PRMT8: variants seen among roughly 807,000 people sequenced by gnomAD.
The protein encoded by PRMT8 is protein arginine N-methyltransferase 8.
Under a neutral mutation model 47.1 loss-of-function variants are expected in PRMT8, and 7 were observed. The observed-to-expected ratio is 0.15, with a 90% CI of 0.08 to 0.28. PRMT8 has a LOEUF of 0.28. PRMT8 is among the 10% of genes least tolerant of loss of function. PRMT8 has a pLI of 1.00. For synonymous variants in PRMT8, 188 were observed against 186.5 expected, an observed-to-expected ratio of 1.01 and a Z score of -0.07; for missense variants, 237 against 505.4, an observed-to-expected ratio of 0.47 and a Z score of 5.09.
At chr12:3,411,620 C>T (rs1404491621) in intron 1 of PRMT8, among the ~76,000 whole-genome samples, 1 of 152,098 alleles carries the variant, frequency 6.6e-6, no homozygotes, top group Non-Finnish European at 1.5e-5. Flanking sequence ...GAAACTTGAT[C>T]CCTGAATTCA....
intron 4 of PRMT8, among the ~76,000 whole-genome samples, chr12:3,562,378 A>C (rs1040550559): frequency 6.6e-6 from 1 of 151,972 alleles, no homozygotes; most frequent in African/African-American, 2.4e-5. Context: ...TGTGTCGGGC[A>C]TAGGGGAGTT....
At chr12:3,487,015 CAG>C (rs1865329335), upstream of PRMT8, among the ~76,000 whole-genome samples, 1 of 152,206 alleles carries the variant, frequency 6.6e-6, no homozygotes, top group Non-Finnish European at 1.5e-5. Context: ...AATAGGACCA[CAG>C]AGGCTTTTGT....
chr12:3,459,717 G>T (rs1402861332), intron 1 of PRMT8, among the ~76,000 whole-genome samples: 1 of 152,116 alleles, frequency 6.6e-6, no homozygotes, highest in Non-Finnish European at 1.5e-5. Context: ...AAGGGCAGGG[G>T]GTTGGTTGGT....
intron 4 of PRMT8, among the ~76,000 whole-genome samples, chr12:3,562,855 T>C (rs1479718688): frequency 6.6e-6 from 1 of 152,142 alleles, no homozygotes; most frequent in African/African-American, 2.4e-5. Context: ...TTCTGTCCCA[T>C]GGAAGCTTCT....
chr12:3,387,778 T>A (rs531887787), intron 1 of PRMT8, among the ~76,000 whole-genome samples: 1 of 152,354 alleles, frequency 6.6e-6, no homozygotes, highest in East Asian at 1.9e-4. Context: ...ACACCTAGTT[T>A]CTTACACTTA....
At chr12:3,391,829 T>A (rs1864195713) in intron 1 of PRMT8, among the ~76,000 whole-genome samples, 1 of 152,130 alleles carries the variant, frequency 6.6e-6, no homozygotes, top group Non-Finnish European at 1.5e-5. Context: ...GCAGAACCAG[T>A]GCAAAATGAA....
chr12:3,393,534 T>C (rs1230619579), intron 1 of PRMT8, among the ~76,000 whole-genome samples: 1 of 152,082 alleles, frequency 6.6e-6, no homozygotes, highest in Non-Finnish European at 1.5e-5. Flanking sequence ...AGACATGTGG[T>C]GTTATTTCTG....
Position 3,550,186 on chromosome 12 carries a change from C to A in PRMT8, c.417+95C>A. On this transcript the variant is annotated intron_variant, in intron 3 of 9. Coordinates refer to ENST00000382622, the MANE Select transcript of PRMT8 (RefSeq NM_019854.5). The surrounding 1 kb of genome is among the most constrained non-coding windows in gnomAD (Gnocchi z 5.1). ...CCCTTCTAGAAGTACAAAATTTGGT[C>A]CATCTCTTTTGCTGGGGTCACACCT... 6.6e-7 allele frequency: 1 copy of A among 1,520,314 alleles called. No homozygotes were observed. Among genetic ancestry groups the A allele is most frequent in the South Asian group, 1.2e-5 (1 of 81,802 alleles). 94.2% of individuals were successfully genotyped at this position (1,520,314 alleles called of 1,614,324 possible).
intron 7 of PRMT8, among the ~76,000 whole-genome samples, chr12:3,582,590 G>A (rs35778618): frequency 0.061 from 9,255 of 152,202 alleles, 387 homozygotes; most frequent in Non-Finnish European, 0.08. Flanking sequence ...ACAGATTGCT[G>A]TTTTGGTCCA....
At chr12:3,481,581 C>T (rs915946731) in intron 1 of PRMT8, among the ~76,000 whole-genome samples, 2 of 152,134 alleles carry the variant, frequency 1.3e-5, no homozygotes, top group African/African-American at 2.4e-5. Flanking sequence ...TCGACCACCT[C>T]ATGAGGGACA....
chr12:3,397,739 C>T (rs371401136), intron 1 of PRMT8, among the ~76,000 whole-genome samples: 1 of 152,062 alleles, frequency 6.6e-6, no homozygotes, highest in East Asian at 1.9e-4. Context: ...TGGGCTCCCC[C>T]CAGTTCGTGC....
chr12:3,465,077 G>A (rs1657265158), intron 1 of PRMT8, among the ~76,000 whole-genome samples: 1 of 147,764 alleles, frequency 6.8e-6, no homozygotes, highest in Non-Finnish European at 1.5e-5. Context: ...ATTGCACCAT[G>A]AGCCATTGCA....
chr12:3,568,873 G>T (rs141775802), intron 5 of PRMT8, 25 bp downstream of exon 5: 160 of 1,613,056 alleles, frequency 9.9e-5, no homozygotes, highest in Non-Finnish European at 1.2e-4. Context: ...TGCTGTCCCC[G>T]CGTTGGCCGG....
chr12:3,592,748 C>T (rs182061092), intron 9 of PRMT8, among the ~76,000 whole-genome samples: 8 of 152,170 alleles, frequency 5.3e-5, no homozygotes, highest in Non-Finnish European at 1.2e-4. Flanking sequence ...CTGGCACTTT[C>T]GGGGCAGCCC....
intron 1 of PRMT8, among the ~76,000 whole-genome samples, chr12:3,527,491 T>C (rs1180923152): frequency 6.6e-6 from 1 of 152,136 alleles, no homozygotes; most frequent in Non-Finnish European, 1.5e-5. Flanking sequence ...TTCCATTTAA[T>C]ATTTTCAGAC....
chr12:3,581,237 C>T (rs1036508993), intron 7 of PRMT8, among the ~76,000 whole-genome samples: 8 of 152,050 alleles, frequency 5.3e-5, no homozygotes, highest in Admixed American at 3.9e-4. Flanking sequence ...TCAGACATCA[C>T]GACTTATGAG....
chr12:3,563,018 C>G (rs1866662109), intron 4 of PRMT8, among the ~76,000 whole-genome samples: 1 of 152,108 alleles, frequency 6.6e-6, no homozygotes, highest in Non-Finnish European at 1.5e-5. Context: ...ACCCCTGCTC[C>G]CCTTTGGCCA....
chr12:3,509,629 GA>G (rs1177066835), intron 1 of PRMT8, among the ~76,000 whole-genome samples: 4 of 151,880 alleles, frequency 2.6e-5, no homozygotes, highest in African/African-American at 7.3e-5. Flanking sequence ...TTTCCTGTAT[GA>G]AAAAAAATGT....
In PRMT8 at chr12:3,392,272, A is replaced by G. The variant is rs185587373; in HGVS notation, c.48+10830A>G. Among the ~76,000 whole-genome samples the G allele has an allele frequency of 4.5e-3, 682 of 152,066 alleles. 3 individuals are homozygous for G. The highest frequency in any genetic ancestry group is 0.016 in the African/African-American group (647 of 41,486). On this transcript the variant is annotated intron_variant, in intron 1 of 9. Transcript: ENST00000452611. ...TATGTGCACAATGTGCAGGTTAGTT[A>G]CATATGTATACATGTGCCATGCTGG...
Sources: gnomAD v4.1 joint callset for allele counts (sites outside exome capture counted in the v4.1 genomes callset) on GRCh38, gnomAD v4.1.1 for gene constraint, Gnocchi (gnomAD v3.1) non-coding constraint, MANE v1.5 for transcripts, NCBI Gene and HGNC (gene_info 2026-07-23, HGNC 2026-07-21) for gene names.